KCNMA1: variants seen among roughly 807,000 people sequenced by gnomAD.
The protein encoded by KCNMA1 is Calcium-activated potassium channel subunit alpha-1.
A neutral mutation model predicts 140.0 loss-of-function variants in KCNMA1; 29 were observed. The observed-to-expected ratio is 0.21, with a 90% CI of 0.15 to 0.28. The LOEUF (loss-of-function observed/expected upper bound fraction) is 0.28, where lower values mean the gene tolerates loss of function less well. Among genes scored for constraint, KCNMA1 ranks in the 10% least tolerant of loss-of-function variants. The probability of loss-of-function intolerance (pLI) is 1.00; values close to 1 mark genes in which losing one functional copy is unlikely to be tolerated. For missense variants in KCNMA1, 880 were observed against 1,602.2 expected (o/e 0.55, Z 7.70); for synonymous variants, 612 against 611.9 (o/e 1.00, Z 0.00).
At chr10:77,287,694 G>A (rs2154304601) in intron 2 of KCNMA1, among the ~76,000 whole-genome samples, 1 of 152,320 alleles carries the variant, frequency 6.6e-6, no homozygotes, top group Middle Eastern at 3.4e-3. Context: ...CCTGGCATGG[G>A]ATGGGGAGTG....
At chr10:77,366,220 G>A (rs563319369) in intron 2 of KCNMA1, among the ~76,000 whole-genome samples, 87 of 151,414 alleles carry the variant, frequency 5.7e-4, no homozygotes, top group African/African-American at 2.0e-3. Context: ...CCATGCTGGA[G>A]TGCAATGGCA....
chr10:77,200,945 C>T (rs1478655211), intron 3 of KCNMA1, among the ~76,000 whole-genome samples: 4 of 152,140 alleles, frequency 2.6e-5, no homozygotes, highest in Non-Finnish European at 5.9e-5. Flanking sequence ...ACTTAACTGC[C>T]TTTTAAGTGT....
intron 1 of KCNMA1, among the ~76,000 whole-genome samples, chr10:77,553,267 T>C (rs987728423): frequency 2.0e-5 from 3 of 152,230 alleles, no homozygotes; most frequent in African/African-American, 7.2e-5. Context: ...ATTTTTGTTG[T>C]AAATGTTTTA....
Position 77,153,226 on chromosome 10 carries a change from A to C in KCNMA1, c.808+30195T>G, listed in dbSNP as rs532103539. ...TTTCAGTGTAATCCAACACTCCATG[A>C]AGCACATTTTGGGAAAAGAAGGCCT... On this transcript the variant is annotated intron_variant, in intron 5 of 27. Coordinates refer to ENST00000286628, the MANE Select transcript of KCNMA1 (RefSeq NM_001161352.2). Among the ~76,000 whole-genome samples, 18 of 152,302 alleles carry C rather than the reference A, an allele frequency of 1.2e-4. No individual in the cohort carries two copies. The East Asian group carries it at 3.5e-3, about 29-fold the overall frequency.
intron 1 of KCNMA1, among the ~76,000 whole-genome samples, chr10:77,611,999 C>T (rs768058031): frequency 3.3e-5 from 5 of 152,180 alleles, no homozygotes; most frequent in Non-Finnish European, 7.4e-5. Flanking sequence ...AGAAATGCAA[C>T]AGTGCAAGCT....
At chr10:77,004,562 A>G (rs1659092460) in intron 18 of KCNMA1, among the ~76,000 whole-genome samples, 1 of 152,220 alleles carries the variant, frequency 6.6e-6, no homozygotes, top group Non-Finnish European at 1.5e-5. Flanking sequence ...GGGCCATTAT[A>G]CAAATCATGA....
chr10:77,296,617 A>G (rs1002807656), intron 2 of KCNMA1, among the ~76,000 whole-genome samples: 4 of 152,132 alleles, frequency 2.6e-5, no homozygotes, highest in African/African-American at 4.8e-5. Flanking sequence ...CAGATTTTCC[A>G]TAACACTATC....
intron 1 of KCNMA1, among the ~76,000 whole-genome samples, chr10:77,462,304 T>C (rs1367754337): frequency 6.6e-6 from 1 of 151,634 alleles, no homozygotes; most frequent in Non-Finnish European, 1.5e-5. Context: ...CACACACACA[T>C]ACACAGAAAC....
chr10:77,526,323 A>G (rs1395814326), intron 1 of KCNMA1, among the ~76,000 whole-genome samples: 1 of 152,218 alleles, frequency 6.6e-6, no homozygotes, highest in Non-Finnish European at 1.5e-5. Flanking sequence ...AGTAATCAAA[A>G]GCATCTAACT....
chr10:77,007,940 G>C (rs1410460008), intron 18 of KCNMA1, among the ~76,000 whole-genome samples: 1 of 151,986 alleles, frequency 6.6e-6, no homozygotes, highest in Non-Finnish European at 1.5e-5. Flanking sequence ...CCCGAAGCTG[G>C]CCAGAGCCCG....
At chr10:77,434,838 A>C (rs1212776363) in intron 1 of KCNMA1, among the ~76,000 whole-genome samples, 1 of 152,198 alleles carries the variant, frequency 6.6e-6, no homozygotes, top group Non-Finnish European at 1.5e-5. Context: ...GGACTGGATC[A>C]GTGCTTCTTA....
chr10:77,506,989 G>A (rs2046382892), intron 1 of KCNMA1, among the ~76,000 whole-genome samples: 1 of 152,088 alleles, frequency 6.6e-6, no homozygotes, highest in Non-Finnish European at 1.5e-5. Context: ...AGCCCCTCCA[G>A]CCGCCCATGG....
chr10:77,394,702 A>G (rs2095976356), intron 2 of KCNMA1, among the ~76,000 whole-genome samples: 1 of 152,166 alleles, frequency 6.6e-6, no homozygotes, highest in Non-Finnish European at 1.5e-5. Flanking sequence ...GTGAATGTAG[A>G]CACGTCCCCA....
At chr10:76,890,404 C>A (rs2039450114) in intron 26 of KCNMA1, among the ~76,000 whole-genome samples, 1 of 152,090 alleles carries the variant, frequency 6.6e-6, no homozygotes, top group Admixed American at 6.6e-5. Context: ...TGGTCTCATA[C>A]CAAAGAACAC....
intron 2 of KCNMA1, among the ~76,000 whole-genome samples, chr10:77,377,402 T>C (rs2095193310): frequency 6.6e-6 from 1 of 152,138 alleles, no homozygotes; most frequent in Non-Finnish European, 1.5e-5. Context: ...AGCTGCTGGG[T>C]CCTTCCCCAA....
chr10:77,187,420 C>T (rs879884402), intron 3 of KCNMA1, among the ~76,000 whole-genome samples: 7 of 152,192 alleles, frequency 4.6e-5, no homozygotes, highest in Non-Finnish European at 8.8e-5. Context: ...CGCACCTTAA[C>T]AACACCCCTG....
chr10:76,889,425 A>G (rs1287903245), intron 27 of KCNMA1, 26 bp downstream of exon 27: 1 of 1,415,812 alleles, frequency 7.1e-7, no homozygotes, highest in East Asian at 2.3e-5. Flanking sequence ...ATTAGGTGGG[A>G]GGGCAGAGTT....
At chr10:77,203,194 G>T (rs2154158470) in intron 3 of KCNMA1, among the ~76,000 whole-genome samples, 1 of 152,314 alleles carries the variant, frequency 6.6e-6, no homozygotes, top group South Asian at 2.1e-4. Flanking sequence ...AAAGAACTGG[G>T]AAACTCCTGC....
At chr10:77,354,013 T>C (rs11598246) in intron 2 of KCNMA1, among the ~76,000 whole-genome samples, 105,279 of 129,920 alleles carry the variant, frequency 0.81, 43,275 homozygotes, top group Middle Eastern at 0.9. Context: ...GATGGAGTCT[T>C]GTTCTGTCAC....
Sources: gnomAD v4.1 joint callset for allele counts (sites outside exome capture counted in the v4.1 genomes callset) on GRCh38, gnomAD v4.1.1 for gene constraint, MANE v1.5 for transcripts, NCBI Gene and HGNC (gene_info 2026-07-23, HGNC 2026-07-21) for gene names.